Variants in GRIP1 observed in about 807,000 individuals in gnomAD.
GRIP1 encodes glutamate receptor-interacting protein 1.
Under a neutral mutation model 129.9 loss-of-function variants are expected in GRIP1, and 45 were observed. That is an observed-to-expected ratio of 0.35 (90% confidence interval 0.27 to 0.44). GRIP1 has a LOEUF of 0.44. GRIP1 is among the 20% of genes least tolerant of loss of function. The probability of loss-of-function intolerance (pLI) is 1.00; values close to 1 mark genes in which losing one functional copy is unlikely to be tolerated. For missense variants in GRIP1, 1,196 were observed against 1,396.8 expected (o/e 0.86, Z 2.29); for synonymous variants, 530 against 520.8 (o/e 1.02, Z -0.24).
intron 1 of GRIP1, among the ~76,000 whole-genome samples, chr12:66,623,813 A>G (rs896512726): frequency 1.3e-5 from 2 of 152,182 alleles, no homozygotes; most frequent in Non-Finnish European, 2.9e-5. Context: ...AATTTGATCA[A>G]TGTACTCAAA....
intron 1 of GRIP1, among the ~76,000 whole-genome samples, chr12:66,949,789 A>G (rs770424576): frequency 1.0e-3 from 103 of 100,858 alleles, no homozygotes; most frequent in Admixed American, 2.9e-3. Context: ...TTTTTTTGAG[A>G]TGGAGTCTCG....
intron 1 of GRIP1, among the ~76,000 whole-genome samples, chr12:66,998,254 T>C (rs1358877090): frequency 2.0e-5 from 3 of 152,184 alleles, no homozygotes; most frequent in South Asian, 4.1e-4. Flanking sequence ...GATATTTATG[T>C]CATTGCAGAA....
intron 1 of GRIP1, among the ~76,000 whole-genome samples, chr12:66,675,298 T>A (rs753191959): frequency 6.6e-6 from 1 of 151,716 alleles, no homozygotes; most frequent in Non-Finnish European, 1.5e-5. Context: ...GTAGGCAGAG[T>A]GAAGCTTGTG....
intron 9 of GRIP1, among the ~76,000 whole-genome samples, chr12:66,462,255 CA>C (rs1471883082): frequency 6.6e-6 from 1 of 152,078 alleles, no homozygotes; most frequent in Admixed American, 6.5e-5. Context: ...TATTGTAAAC[CA>C]AGGCTTCATA....
chr12:66,662,784 T>G (rs1371604793), intron 1 of GRIP1, among the ~76,000 whole-genome samples: 1 of 152,188 alleles, frequency 6.6e-6, no homozygotes, highest in Non-Finnish European at 1.5e-5. Flanking sequence ...ATCTAATCTC[T>G]TGCATTAAGG....
At chr12:66,889,129 T>G (rs1029482204) in intron 1 of GRIP1, among the ~76,000 whole-genome samples, 1 of 152,224 alleles carries the variant, frequency 6.6e-6, no homozygotes, top group African/African-American at 2.4e-5. Context: ...TCTAGTTGTT[T>G]GTCTGTGCAC....
At chr12:66,434,113 ATTT>A (rs1407296599) in intron 13 of GRIP1, among the ~76,000 whole-genome samples, 2 of 152,090 alleles carry the variant, frequency 1.3e-5, no homozygotes, top group African/African-American at 4.8e-5. Flanking sequence ...CCAGAATCTG[ATTT>A]TTCAACTCAG....
intron 1 of GRIP1, among the ~76,000 whole-genome samples, chr12:66,972,626 C>T (rs1187687931): frequency 1.3e-5 from 2 of 152,168 alleles, no homozygotes; most frequent in Admixed American, 6.6e-5. Flanking sequence ...TAAACTTCTT[C>T]CTTCCACATA....
intron 6 of GRIP1, among the ~76,000 whole-genome samples, chr12:66,516,150 C>T (rs775032390): frequency 7.2e-5 from 11 of 152,064 alleles, no homozygotes; most frequent in African/African-American, 1.4e-4. Context: ...GAAAAGCCTG[C>T]GAATTTCATT....
chr12:66,674,431 C>T (rs569147049), intron 1 of GRIP1, among the ~76,000 whole-genome samples: 11 of 152,146 alleles, frequency 7.2e-5, no homozygotes, highest in Non-Finnish European at 1.2e-4. Flanking sequence ...TTTCCTCTTC[C>T]ATTAAGACAA....
At chr12:66,731,204 A>G (rs183648560) in intron 1 of GRIP1, among the ~76,000 whole-genome samples, 10 of 152,312 alleles carry the variant, frequency 6.6e-5, no homozygotes, top group African/African-American at 2.2e-4. Flanking sequence ...ATTCAAACAA[A>G]ACAGAATGAA....
chr12:66,401,516 T>C (rs2056987552), intron 16 of GRIP1, among the ~76,000 whole-genome samples: 1 of 149,882 alleles, frequency 6.7e-6, no homozygotes, highest in African/African-American at 2.5e-5. Context: ...AAGGCGGAGG[T>C]TGCAGTGAGC....
chr12:66,363,302 G>A (rs2054922145), intron 23 of GRIP1, among the ~76,000 whole-genome samples: 1 of 147,040 alleles, frequency 6.8e-6, no homozygotes, highest in Non-Finnish European at 1.5e-5. Flanking sequence ...GGGGTACAGT[G>A]GTGAGGTTGT....
intron 1 of GRIP1, among the ~76,000 whole-genome samples, chr12:66,841,177 T>C (rs924178184): frequency 3.3e-5 from 5 of 152,000 alleles, no homozygotes; most frequent in African/African-American, 4.8e-5. Flanking sequence ...GAAGCAAAAA[T>C]GAACGAAAAT....
intron 1 of GRIP1, among the ~76,000 whole-genome samples, chr12:66,829,647 A>T (rs1321324790): frequency 6.6e-6 from 1 of 152,158 alleles, no homozygotes; most frequent in African/African-American, 2.4e-5. Context: ...TTTGTCCAAT[A>T]AGAAAAAAAT....
intron 1 of GRIP1, among the ~76,000 whole-genome samples, chr12:66,601,201 A>G (rs1404446635): frequency 1.3e-5 from 2 of 152,172 alleles, no homozygotes; most frequent in African/African-American, 4.8e-5. Context: ...TGTGCCAAAC[A>G]CTGGAGGGGC....
At chr12:66,580,450 G>C (rs2063330009) in intron 2 of GRIP1, among the ~76,000 whole-genome samples, 1 of 152,094 alleles carries the variant, frequency 6.6e-6, no homozygotes, top group Admixed American at 6.5e-5. Flanking sequence ...CCAATTAAAA[G>C]ACACAGACTG....
At chr12:66,400,221 A>G (rs899968850) in intron 16 of GRIP1, among the ~76,000 whole-genome samples, 8 of 151,948 alleles carry the variant, frequency 5.3e-5, no homozygotes, top group Non-Finnish European at 1.2e-4. Flanking sequence ...GGGCCTAGTC[A>G]TCTGTGTTTT....
In GRIP1 at chr12:66,444,712, A is replaced by G. The variant is rs1178422573; in HGVS notation, c.1559T>C (p.Ile520Thr). The G allele has an allele frequency of 6.2e-7, 1 of 1,614,010 alleles. No individual in the cohort carries two copies. Among genetic ancestry groups the G allele is most frequent in the Non-Finnish European group, 8.5e-7 (1 of 1,179,980 alleles). Residue 520 changes from isoleucine to threonine, a missense_variant, in exon 13 of 25, where the codon ATT becomes ACT. Ile to Thr is a moderately conservative substitution (Grantham distance 89). This residue lies in a region of GRIP1 where 508 missense variants were observed against 587.0 expected (regional missense o/e 0.87). Coordinates refer to ENST00000359742, the MANE Select transcript of GRIP1 (RefSeq NM_001366722.1). Reference protein sequence around the residue: ...SPAERCGVLQIGDRVMAINGI... With the variant: ...SPAERCGVLQTGDRVMAINGI... ...ATTGATGGCCATCACTCTGTCTCCA[A>G]TCTGTAGCACCCCACATCTAATTTA...
Sources: gnomAD v4.1 joint callset for allele counts (sites outside exome capture counted in the v4.1 genomes callset) on GRCh38, gnomAD v4.1.1 for gene constraint, gnomAD v4.1.1 regional missense constraint, MANE v1.5 for transcripts, NCBI Gene and HGNC (gene_info 2026-07-23, HGNC 2026-07-21) for gene names.